EYA4: variants seen among roughly 807,000 people sequenced by gnomAD.
EYA4 encodes the protein EYA transcriptional coactivator and phosphatase 4, also known as protein phosphatase EYA4.
EYA4 carries 31 observed loss-of-function variants against 87.9 expected under a neutral mutation model. The ratio of observed to expected loss-of-function variants is 0.35; its 90% CI spans 0.27 to 0.48. The LOEUF (loss-of-function observed/expected upper bound fraction) is 0.48, where lower values mean the gene tolerates loss of function less well. Ranked by LOEUF, EYA4 falls within the 20% of genes least tolerant of loss-of-function variation. The pLI is 0.99. For missense variants in EYA4, 678 were observed against 761.4 expected, an observed-to-expected ratio of 0.89 and a Z score of 1.29; for synonymous variants, 263 against 270.6, an observed-to-expected ratio of 0.97 and a Z score of 0.28.
intron 2 of EYA4, among the ~76,000 whole-genome samples, chr6:133,321,605 A>G (rs889015297): frequency 6.6e-6 from 1 of 152,182 alleles, no homozygotes; most frequent in Non-Finnish European, 1.5e-5. Flanking sequence ...AAATAATTTC[A>G]TGTGGAGAAA....
At chr6:133,363,369 A>T (rs1784597786) in intron 2 of EYA4, 1 of 152,060 alleles carries the variant, frequency 6.6e-6, no homozygotes, top group Admixed American at 6.5e-5. Context: ...AGCAGCATTC[A>T]CCCTTGGAGT....
chr6:133,389,504 C>T (rs1787071356), intron 3 of EYA4, among the ~76,000 whole-genome samples: 1 of 152,160 alleles, frequency 6.6e-6, no homozygotes, highest in African/African-American at 2.4e-5. Flanking sequence ...CATAGCAGGT[C>T]CCCAGTACAT....
chr6:133,435,068 G>C (rs958323858), intron 3 of EYA4: 2 of 152,098 alleles, frequency 1.3e-5, no homozygotes, highest in African/African-American at 4.8e-5. Context: ...AAAAATTTAG[G>C]GAAATGCTTC....
At position 133,468,440 on chromosome 6, in the gene EYA4, G is replaced by T. The variant is rs1795034630; in HGVS notation, c.805-126G>T. 3.8e-6 allele frequency: 3 copies of T among 789,296 alleles called. No homozygotes were observed. The South Asian group carries it at 4.2e-5, about 11-fold the overall frequency. 48.9% of individuals were successfully genotyped at this position (789,296 alleles called of 1,614,324 possible). A position where few individuals can be genotyped will look rare whatever the true frequency, so the allele number is the denominator to read the frequency against. Reference sequence around the variant, plus strand: ...CTCTGCTCATTAGGATCACCTCAAAGCTGTGGACTCAGAAACAAATGGGGC... The same window carrying T: ...CTCTGCTCATTAGGATCACCTCAAATCTGTGGACTCAGAAACAAATGGGGC... On this transcript the variant is annotated intron_variant, in intron 10 of 19. Coordinates refer to ENST00000355286, the MANE Select transcript of EYA4 (RefSeq NM_004100.5).
intron 2 of EYA4, among the ~76,000 whole-genome samples, chr6:133,376,302 T>C (rs1194544236): frequency 6.6e-6 from 1 of 151,802 alleles, no homozygotes; most frequent in African/African-American, 2.4e-5. Context: ...AGAATATATA[T>C]TAATAAATTA....
rs114989544 is a variant in EYA4 at position 133,393,736 on chromosome 6, G to A, written c.83+11295G>A. ...TAAACCATTTTCAAATAAATGTCTT[G>A]GACTAATTGCCTCTTTTGTCACTGC... is the stretch of plus-strand genomic sequence containing the variant. On this transcript the variant is annotated intron_variant, in intron 3 of 19. Transcript: ENST00000355286. Among the ~76,000 whole-genome samples the A allele has an allele frequency of 8.2e-3, 1,253 of 152,144 alleles. 20 individuals carry two copies. Among genetic ancestry groups the A allele is most frequent in the African/African-American group, 0.028 (1,168 of 41,498 alleles).
intron 6 of EYA4, among the ~76,000 whole-genome samples, chr6:133,460,573 T>C (rs1301713410): frequency 6.6e-6 from 1 of 152,286 alleles, no homozygotes; most frequent in Non-Finnish European, 1.5e-5. Flanking sequence ...TACTGGAATA[T>C]TTTAGACTGC....
chr6:133,321,319 A>G (rs761139990), intron 2 of EYA4, among the ~76,000 whole-genome samples: 29 of 152,174 alleles, frequency 1.9e-4, no homozygotes, highest in Non-Finnish European at 3.2e-4. Context: ...CTCAACTTTT[A>G]TATCTCCAAA....
At chr6:133,357,144 G>A (rs564826114) in intron 2 of EYA4, among the ~76,000 whole-genome samples, 3 of 151,308 alleles carry the variant, frequency 2.0e-5, no homozygotes, top group South Asian at 2.1e-4. Flanking sequence ...CGTGGCGGGC[G>A]CCTGTAGTCC....
chr6:133,483,848 C>T (rs1480127095), intron 13 of EYA4, among the ~76,000 whole-genome samples: 1 of 151,730 alleles, frequency 6.6e-6, no homozygotes, highest in Non-Finnish European at 1.5e-5. Flanking sequence ...CTCAGCCTCT[C>T]GAGTAGCTGG....
At chr6:133,337,069 A>G (rs547589028) in intron 2 of EYA4, among the ~76,000 whole-genome samples, 2 of 152,334 alleles carry the variant, frequency 1.3e-5, no homozygotes, top group Admixed American at 1.3e-4. Context: ...CAGGTTCTGA[A>G]TACATGCTGT....
intron 17 of EYA4, among the ~76,000 whole-genome samples, chr6:133,518,376 A>G (rs574777320): frequency 2.0e-5 from 3 of 152,266 alleles, no homozygotes; most frequent in African/African-American, 7.2e-5. Context: ...GTTACATGCT[A>G]TGGAATTTGC....
intron 2 of EYA4, among the ~76,000 whole-genome samples, chr6:133,330,257 T>C (rs1781820024): frequency 6.6e-6 from 1 of 152,062 alleles, no homozygotes; most frequent in South Asian, 2.1e-4. Flanking sequence ...ACTAGATGCT[T>C]TCTAAGATAT....
chr6:133,370,594 C>T (rs1318321753), intron 2 of EYA4, among the ~76,000 whole-genome samples: 1 of 152,134 alleles, frequency 6.6e-6, no homozygotes, highest in Non-Finnish European at 1.5e-5. Flanking sequence ...GGGAGAAATG[C>T]AGGTAACGTG....
chr6:133,418,409 C>G (rs212790), intron 3 of EYA4, among the ~76,000 whole-genome samples: 57,313 of 152,094 alleles, frequency 0.38, 14,040 homozygotes, highest in Non-Finnish European at 0.54. Flanking sequence ...CAGTGCCTTA[C>G]ACAGCACCTT....
intron 14 of EYA4, chr6:133,507,138 T>G (rs943541682): frequency 6.6e-6 from 1 of 152,232 alleles, no homozygotes; most frequent in African/African-American, 2.4e-5. Flanking sequence ...ATGTTGGACT[T>G]TCCATTAATT....
At chr6:133,278,615 C>T (rs564125817) in intron 2 of EYA4, among the ~76,000 whole-genome samples, 1 of 152,252 alleles carries the variant, frequency 6.6e-6, no homozygotes, top group South Asian at 2.1e-4. Context: ...ATTACTGACT[C>T]ATGAATTTAT....
At chr6:133,493,399 A>G (rs1023875154) in intron 13 of EYA4, among the ~76,000 whole-genome samples, 1 of 152,242 alleles carries the variant, frequency 6.6e-6, no homozygotes, top group Non-Finnish European at 1.5e-5. Context: ...CACGTGAAGA[A>G]GAACGAAACT....
chr6:133,269,988 T>C lies in EYA4; in HGVS notation c.-65-4728T>C, dbSNP rs567984179. Among the ~76,000 whole-genome samples, 52 of 152,304 alleles carry C rather than the reference T, an allele frequency of 3.4e-4. 1 individual carries two copies. In the South Asian group the frequency reaches 5.8e-3, roughly 17 times the overall value. On this transcript the variant is annotated intron_variant, in intron 1 of 19. Transcript: ENST00000355286. ...AAGTATCCAGCATGGGAGAAAGATA[T>C]AGGCTGGGAGGCTAGGCCAGTCTCT...
Sources: gnomAD v4.1 joint callset for allele counts (sites outside exome capture counted in the v4.1 genomes callset) on GRCh38, gnomAD v4.1.1 for gene constraint, MANE v1.5 for transcripts, NCBI Gene and HGNC (gene_info 2026-07-23, HGNC 2026-07-21) for gene names.